The following STAG1 variants were observed in gnomAD, a reference collection of about 807,000 sequenced individuals.
STAG1 encodes the protein cohesin subunit SA-1.
In STAG1, 26 loss-of-function variants were observed where a neutral mutation model predicts 170.9. The observed-to-expected ratio is 0.15, with a 90% CI of 0.11 to 0.21. STAG1 has a LOEUF of 0.21. Among genes scored for constraint, STAG1 ranks in the 10% least tolerant of loss-of-function variants. The pLI is 1.00. For synonymous variants in STAG1, 514 were observed against 497.7 expected, an observed-to-expected ratio of 1.03 and a Z score of -0.44; for missense variants, 964 against 1,509.5, an observed-to-expected ratio of 0.64 and a Z score of 5.99.
At chr3:136,525,041 T>C (rs1934927521) in intron 6 of STAG1, among the ~76,000 whole-genome samples, 1 of 152,228 alleles carries the variant, frequency 6.6e-6, no homozygotes, top group African/African-American at 2.4e-5. Context: ...ATCAGGGGTA[T>C]TGATCTAAAG....
intron 1 of STAG1, among the ~76,000 whole-genome samples, chr3:136,637,827 GGT>G (rs1940631856): frequency 6.6e-6 from 1 of 151,910 alleles, no homozygotes; most frequent in Non-Finnish European, 1.5e-5. Context: ...CATGAGGGAA[GGT>G]ATTGTTTGTC....
chr3:136,689,572 A>T (rs4336059), intron 1 of STAG1, among the ~76,000 whole-genome samples: 11 of 151,906 alleles, frequency 7.2e-5, no homozygotes, highest in Non-Finnish European at 1.3e-4. Flanking sequence ...AGTAGCCATG[A>T]TTTTTCTAAT....
intron 16 of STAG1, among the ~76,000 whole-genome samples, chr3:136,432,516 G>T (rs892550867): frequency 6.1e-4 from 13 of 21,388 alleles, no homozygotes; most frequent in East Asian, 5.8e-3. Context: ...TTTTTTTTTG[G>T]GGGGGGGGGG....
chr3:136,448,556 CCACCCTTGA>C (rs2088850415), intron 14 of STAG1, among the ~76,000 whole-genome samples: 1 of 152,134 alleles, frequency 6.6e-6, no homozygotes, highest in South Asian at 2.1e-4. Flanking sequence ...CCACCTGGTC[CCACCCTTGA>C]CACATGGGGA....
intron 5 of STAG1, among the ~76,000 whole-genome samples, chr3:136,563,503 C>G (rs1432050794): frequency 3.3e-5 from 5 of 151,890 alleles, no homozygotes; most frequent in Admixed American, 6.6e-5. Flanking sequence ...TCCCTCTAAA[C>G]TTTCCGACAC....
At chr3:136,514,891 G>A (rs1345972022) in intron 7 of STAG1, among the ~76,000 whole-genome samples, 2 of 151,900 alleles carry the variant, frequency 1.3e-5, no homozygotes, top group African/African-American at 4.8e-5. Context: ...GGTGGGGAAC[G>A]TCACACACCA....
intron 8 of STAG1, among the ~76,000 whole-genome samples, chr3:136,501,555 G>A (rs781222462): frequency 6.6e-6 from 1 of 152,174 alleles, no homozygotes; most frequent in Admixed American, 6.5e-5. Flanking sequence ...TAGGAGAGAA[G>A]TCTGGAACAC....
intron 4 of STAG1, among the ~76,000 whole-genome samples, chr3:136,576,058 ATAC>A (rs142645892): frequency 1.2e-3 from 190 of 152,304 alleles, no homozygotes; most frequent in Middle Eastern, 6.8e-3. Context: ...TATAGGTATT[ATAC>A]TACTATTTAC....
chr3:136,357,717 T>C lies in STAG1; in HGVS notation c.3065+3A>G. 1 of 1,590,644 alleles carries C rather than the reference T, an allele frequency of 6.3e-7. No homozygotes were observed. Among genetic ancestry groups the C allele is most frequent in the Non-Finnish European group, 8.5e-7 (1 of 1,174,654 alleles). On this transcript the variant is annotated splice_donor_region_variant and intron_variant, in intron 28 of 33. Coordinates refer to ENST00000383202, the MANE Select transcript of STAG1 (RefSeq NM_005862.3). ...ACCACTTCTCTTGTAATGTGCAACT[T>C]ACACTGTCTTTTTGTCCTGTCGAAG...
intron 14 of STAG1, 71 bp from the exon 15 acceptor site, chr3:136,443,475 G>T: frequency 9.2e-7 from 1 of 1,081,324 alleles, no homozygotes; most frequent in Non-Finnish European, 1.4e-6. Context: ...TTTGAGTTAA[G>T]AAATCATTTT....
chr3:136,691,818 AGT>A (rs1942731906), intron 1 of STAG1, among the ~76,000 whole-genome samples: 9 of 152,242 alleles, frequency 5.9e-5, no homozygotes, highest in African/African-American at 2.2e-4. Flanking sequence ...AGAGGAACTA[AGT>A]AGATCATCTA....
chr3:136,392,889 A>C lies in STAG1; in HGVS notation c.2277+5860T>G, dbSNP rs2087050443. The stretch of plus-strand genomic sequence containing the variant: ...TTTTTGTATTTCTTCTTTTATAATA[A>C]GCATATGCTGAAGTAGGAGAGCTCA... On this transcript the variant is annotated intron_variant, in intron 22 of 33. Coordinates refer to ENST00000383202, the MANE Select transcript of STAG1 (RefSeq NM_005862.3). 2.0e-5 allele frequency among the ~76,000 whole-genome samples: 3 copies of C among 152,188 alleles called. No individual in the cohort carries two copies. The South Asian group carries it at 6.2e-4, about 32-fold the overall frequency.
chr3:136,471,465 T>C (rs1004039233), intron 12 of STAG1, among the ~76,000 whole-genome samples: 2 of 152,106 alleles, frequency 1.3e-5, no homozygotes, highest in African/African-American at 4.8e-5. Context: ...AATGACCCTA[T>C]ATTTAGAACA....
At chr3:136,499,352 T>C (rs192494410) in intron 9 of STAG1, among the ~76,000 whole-genome samples, 32 of 152,078 alleles carry the variant, frequency 2.1e-4, no homozygotes, top group Non-Finnish European at 4.0e-4. Context: ...ACCGGGCTGA[T>C]TTTTAAATTT....
intron 11 of STAG1, 113 bp downstream of exon 11, chr3:136,473,426 T>C (rs914686138): frequency 1.3e-6 from 1 of 759,360 alleles, no homozygotes; most frequent in Non-Finnish European, 2.0e-6. Context: ...TGGGGACTGC[T>C]GTAATAAAGA....
At chr3:136,579,825 C>T (rs886500110) in intron 4 of STAG1, among the ~76,000 whole-genome samples, 21 of 151,740 alleles carry the variant, frequency 1.4e-4, no homozygotes, top group Admixed American at 1.1e-3. Flanking sequence ...TCAGTGTATA[C>T]GTATAAAATA....
chr3:136,531,414 A>G (rs1389075893), intron 6 of STAG1, among the ~76,000 whole-genome samples: 1 of 151,054 alleles, frequency 6.6e-6, no homozygotes, highest in Non-Finnish European at 1.5e-5. Flanking sequence ...TACTGGGTAT[A>G]TAACCAAAGG....
chr3:136,734,552 C>G (rs930510304), intron 1 of STAG1, among the ~76,000 whole-genome samples: 36 of 152,272 alleles, frequency 2.4e-4, no homozygotes, highest in Admixed American at 1.9e-3. Context: ...TTGTCATTTC[C>G]TGACACATAA....
intron 1 of STAG1, among the ~76,000 whole-genome samples, chr3:136,644,425 A>T (rs971791807): frequency 1.1e-4 from 16 of 152,006 alleles, no homozygotes; most frequent in Non-Finnish European, 2.1e-4. Flanking sequence ...GATTAAATAT[A>T]CTCCAGGGAT....
Sources: gnomAD v4.1 joint callset for allele counts (sites outside exome capture counted in the v4.1 genomes callset) on GRCh38, gnomAD v4.1.1 for gene constraint, MANE v1.5 for transcripts, NCBI Gene and HGNC (gene_info 2026-07-23, HGNC 2026-07-21) for gene names.